The following MAP3K2 variants were observed in gnomAD, a reference collection of about 807,000 sequenced individuals.
The protein encoded by MAP3K2 is mitogen-activated protein kinase kinase kinase 2, also known as MAP/ERK kinase kinase 2.
MAP3K2 carries 24 observed loss-of-function variants against 80.3 expected under a neutral mutation model. The ratio of observed to expected loss-of-function variants is 0.30; its 90% CI spans 0.22 to 0.42. The LOEUF (loss-of-function observed/expected upper bound fraction) is 0.42. Among genes scored for constraint, MAP3K2 ranks in the 10% least tolerant of loss-of-function variants. The pLI, the probability that MAP3K2 is intolerant of heterozygous loss-of-function variation, is 1.00. For missense variants in MAP3K2, 608 were observed against 750.1 expected (o/e 0.81, Z 2.21); for synonymous variants, 244 against 253.7 (o/e 0.96, Z 0.36).
intron 8 of MAP3K2, among the ~76,000 whole-genome samples, chr2:127,326,267 A>C (rs1363770398): frequency 1.3e-5 from 2 of 151,912 alleles, no homozygotes; most frequent in Non-Finnish European, 2.9e-5. Flanking sequence ...TGCAATGTTA[A>C]GGGAATAACA....
upstream of MAP3K2, chr2:127,388,049 C>G (rs919670392): frequency 4.9e-5 from 48 of 983,248 alleles, no homozygotes; most frequent in Non-Finnish European, 5.7e-5. Context: ...GGTAGCGGAA[C>G]CCGCCGCGGG....
intron 1 of MAP3K2, among the ~76,000 whole-genome samples, chr2:127,381,961 A>C (rs1021915197): frequency 6.6e-6 from 1 of 152,162 alleles, no homozygotes; most frequent in African/African-American, 2.4e-5. Flanking sequence ...AATATGAGTC[A>C]CTTTATAAGA....
chr2:127,345,611 G>A (rs1468101377), intron 1 of MAP3K2, among the ~76,000 whole-genome samples: 3 of 152,244 alleles, frequency 2.0e-5, no homozygotes, highest in South Asian at 4.1e-4. Context: ...TTCCAAGACA[G>A]ACCAAATATT....
intron 2 of MAP3K2, among the ~76,000 whole-genome samples, chr2:127,340,548 T>C (rs1686458082): frequency 6.6e-6 from 1 of 152,046 alleles, no homozygotes; most frequent in Non-Finnish European, 1.5e-5. Context: ...TCCCAGCTAC[T>C]TGGGAGGCTA....
intron 1 of MAP3K2, among the ~76,000 whole-genome samples, chr2:127,353,148 G>A (rs896588762): frequency 6.6e-6 from 1 of 151,978 alleles, no homozygotes; most frequent in East Asian, 1.9e-4. Flanking sequence ...GAGCGTCTCT[G>A]CCTGGCCGCC....
intron 1 of MAP3K2, among the ~76,000 whole-genome samples, chr2:127,345,612 A>C (rs1039558894): frequency 8.5e-5 from 13 of 152,204 alleles, no homozygotes; most frequent in Admixed American, 5.9e-4. Flanking sequence ...TCCAAGACAG[A>C]CCAAATATTA....
At chr2:127,309,599 ATATT>A (rs1685772330) in intron 15 of MAP3K2, among the ~76,000 whole-genome samples, 1 of 152,114 alleles carries the variant, frequency 6.6e-6, no homozygotes, top group Non-Finnish European at 1.5e-5. Flanking sequence ...ATCCCACACC[ATATT>A]TAGTCATCGT....
intron 1 of MAP3K2, among the ~76,000 whole-genome samples, chr2:127,385,712 C>T (rs1294954138): frequency 6.6e-6 from 1 of 152,154 alleles, no homozygotes; most frequent in Non-Finnish European, 1.5e-5. Context: ...GGGGAAATAG[C>T]TCCAATTCTA....
intron 10 of MAP3K2, 58 bp from the exon 11 acceptor site, chr2:127,324,052 AATG>A: frequency 9.0e-7 from 1 of 1,105,440 alleles, no homozygotes; most frequent in South Asian, 1.6e-5. Context: ...AAATATTTCT[AATG>A]ATGAAAAGCA....
chr2:127,318,211 A>T lies in MAP3K2; in HGVS notation c.1152T>A (p.Val384=), dbSNP rs760750345. The T allele has an allele frequency of 2.4e-5, 39 of 1,610,790 alleles. No homozygotes were observed. The African/African-American group carries it at 4.9e-4, about 20-fold the overall frequency. Residue 384 remains valine, a synonymous_variant, in exon 13 of 17, where the codon GTT becomes GTA. Transcript: ENST00000682094. ...YDVDTGRELA[V]KQVQFDPDSP... is the part of the protein sequence containing the mutation. ...TATCGGGGTCAAATTGAACTTGCTT[A>T]ACAGCCAATTCTCTTCCTGTATCAA...
chr2:127,320,997 G>A (rs1443972374), intron 12 of MAP3K2, among the ~76,000 whole-genome samples: 1 of 152,134 alleles, frequency 6.6e-6, no homozygotes, highest in Non-Finnish European at 1.5e-5. Context: ...GTGCATGCCT[G>A]TAGTGCCAGA....
intron 1 of MAP3K2, among the ~76,000 whole-genome samples, chr2:127,372,969 C>T (rs540470683): frequency 1.1e-4 from 17 of 152,338 alleles, no homozygotes; most frequent in East Asian, 1.9e-4. Context: ...CCCTCCCCCA[C>T]GGCCATTCGA....
At chr2:127,386,082 A>G (rs1422516738) in intron 1 of MAP3K2, among the ~76,000 whole-genome samples, 3 of 152,236 alleles carry the variant, frequency 2.0e-5, no homozygotes, top group Non-Finnish European at 4.4e-5. Context: ...CTCCACAGAG[A>G]CTGCAAGACC....
chr2:127,377,658 TG>T (rs1272078392), intron 1 of MAP3K2, among the ~76,000 whole-genome samples: 1 of 152,168 alleles, frequency 6.6e-6, no homozygotes, highest in Non-Finnish European at 1.5e-5. Context: ...AGTTTAAAAA[TG>T]TAATATGAAT....
intron 7 of MAP3K2, among the ~76,000 whole-genome samples, chr2:127,329,602 G>A (rs1489987459): frequency 6.6e-6 from 1 of 152,066 alleles, no homozygotes; most frequent in African/African-American, 2.4e-5. Flanking sequence ...TGATCTGCCC[G>A]CCTTGGCCTC....
chr2:127,343,876 G>A (rs889379213), intron 1 of MAP3K2, among the ~76,000 whole-genome samples: 3 of 151,934 alleles, frequency 2.0e-5, no homozygotes, highest in East Asian at 1.9e-4. Context: ...AAAATTAGCC[G>A]GGTGCAGTAG....
At chr2:127,353,362 G>A (rs1221125528) in intron 1 of MAP3K2, among the ~76,000 whole-genome samples, 2 of 152,022 alleles carry the variant, frequency 1.3e-5, no homozygotes, top group Non-Finnish European at 2.9e-5. Context: ...CCCCGTCTGC[G>A]AGGTGAGGAG....
Position 127,321,985 on chromosome 2 carries a change from T to A in MAP3K2, c.1045+61A>T. 7.2e-7 allele frequency: 1 copy of A among 1,393,564 alleles called. No homozygotes were observed. Among genetic ancestry groups the A allele is most frequent in the East Asian group, 2.5e-5 (1 of 40,420 alleles). The allele number at this position is 1,393,564 out of a possible 1,614,324, so 86.3% of individuals were successfully genotyped here. On this transcript the variant is annotated intron_variant, in intron 12 of 16. Transcript: ENST00000682094. The surrounding 1 kb of genome is among the most constrained non-coding windows in gnomAD (Gnocchi z 4.4). ...CTCACTTAGTATTTATTCCTTTTAA[T>A]AATATAAAATTCTGCAAAGATTCTG...
chr2:127,322,157 T>A lies in MAP3K2; in HGVS notation c.934A>T (p.Ser312Cys). 1.2e-6 allele frequency: 2 copies of A among 1,613,856 alleles called. No homozygotes were observed. Among genetic ancestry groups the A allele is most frequent in the Non-Finnish European group, 1.7e-6 (2 of 1,179,754 alleles). Residue 312 changes from serine (S) to cysteine (C), a missense_variant, in exon 12 of 17, where the codon AGT becomes TGT. Ser to Cys is a moderately radical substitution (Grantham distance 112, BLOSUM62 -1). Coordinates refer to ENST00000682094, the MANE Select transcript of MAP3K2 (RefSeq NM_001371910.2). This position sits in a 1 kb window ranked among gnomAD's most constrained non-coding sequence, Gnocchi z 4.2. ...TCTGGGGTAAAGATACTGCTTCCAC[T>A]ACTAGTGCTTAAGGAATGATCAGTA... ...SPTDHSLSTS[S>C]GSSIFTPEYD...
Sources: allele counts gnomAD v4.1 joint callset (sites outside exome capture counted in the v4.1 genomes callset), GRCh38; gene constraint gnomAD v4.1.1; non-coding constraint Gnocchi (gnomAD v3.1); transcripts MANE v1.5; gene names NCBI Gene and HGNC (gene_info 2026-07-23, HGNC 2026-07-21).